CSMD1: variants seen among roughly 807,000 people sequenced by gnomAD.
The protein encoded by CSMD1 is CUB and Sushi multiple domains 1, also known as CUB and sushi domain-containing protein 1.
Under a neutral mutation model 417.5 loss-of-function variants are expected in CSMD1, and 213 were observed. That is an observed-to-expected ratio of 0.51 (90% CI 0.46 to 0.57). CSMD1 has a LOEUF of 0.57. CSMD1 is among the 20% of genes least tolerant of loss of function. The pLI, the probability that CSMD1 is intolerant of heterozygous loss-of-function variation, is 0.00. For synonymous variants in CSMD1, 2,862 were observed against 1,736.8 expected, an observed-to-expected ratio of 1.65 and a Z score of -16.11; for missense variants, 6,923 against 4,529.7, an observed-to-expected ratio of 1.53 and a Z score of -15.17.
intron 5 of CSMD1, among the ~76,000 whole-genome samples, chr8:3,879,705 G>C (rs1459639188): frequency 2.0e-5 from 3 of 150,492 alleles, no homozygotes; most frequent in Non-Finnish European, 3.0e-5. Context: ...AAAAATGAAA[G>C]GCTAACTCCT....
At chr8:3,637,322 G>C (rs1272467741) in intron 7 of CSMD1, among the ~76,000 whole-genome samples, 3 of 152,108 alleles carry the variant, frequency 2.0e-5, no homozygotes, top group Admixed American at 6.6e-5. Flanking sequence ...CTATGTCTAA[G>C]ATCCTTTATC....
intron 3 of CSMD1, among the ~76,000 whole-genome samples, chr8:4,402,810 T>C (rs1804735607): frequency 1.5e-5 from 1 of 66,948 alleles, no homozygotes; most frequent in Non-Finnish European, 3.4e-5. Context: ...CTTTTTTTTT[T>C]TTTTTTTTTT....
intron 5 of CSMD1, among the ~76,000 whole-genome samples, chr8:3,782,069 A>C (rs1799214400): frequency 2.0e-5 from 3 of 152,210 alleles, no homozygotes; most frequent in South Asian, 4.1e-4. Context: ...ACTTGGAAGG[A>C]GAGTTTGATA....
At chr8:4,713,694 G>T (rs538779676) in intron 1 of CSMD1, among the ~76,000 whole-genome samples, 2 of 152,142 alleles carry the variant, frequency 1.3e-5, no homozygotes, top group Admixed American at 6.6e-5. Context: ...CCAGCTGCTC[G>T]CCACTGCCTC....
intron 23 of CSMD1, among the ~76,000 whole-genome samples, chr8:3,314,733 T>G: frequency 6.6e-6 from 1 of 152,336 alleles, no homozygotes; most frequent in East Asian, 1.9e-4. Context: ...TTAATATTCT[T>G]AAGAATTAAA....
At chr8:3,541,610 G>A (rs951476813) in intron 10 of CSMD1, among the ~76,000 whole-genome samples, 5 of 149,216 alleles carry the variant, frequency 3.4e-5, no homozygotes, top group Admixed American at 1.3e-4. Context: ...CTAAAAATGG[G>A]TCATGATTTT....
intron 3 of CSMD1, among the ~76,000 whole-genome samples, chr8:4,418,062 G>A (rs994626069): frequency 6.6e-5 from 10 of 151,828 alleles, no homozygotes; most frequent in African/African-American, 2.4e-4. Context: ...CTGATAAATA[G>A]ATTTAAACAC....
rs188736830 is a variant in CSMD1, at chr8:4,524,072, C to T, written c.303-104007G>A. On this transcript the variant is annotated intron_variant, in intron 2 of 69. Coordinates refer to ENST00000635120, the MANE Select transcript of CSMD1 (RefSeq NM_033225.6). ...TCCTCCCTGTGTTTTTTAGAATGAA[C>T]GAACAACTAGACTCTGGAATAGTCC... Among the ~76,000 whole-genome samples the T allele has an allele frequency of 1.1e-4, 16 of 151,882 alleles. No homozygotes were observed. In the East Asian group the frequency reaches 2.1e-3, roughly 20 times the overall value.
At chr8:4,816,552 C>T (rs1162625727) in intron 1 of CSMD1, among the ~76,000 whole-genome samples, 1 of 152,094 alleles carries the variant, frequency 6.6e-6, no homozygotes, top group Non-Finnish European at 1.5e-5. Flanking sequence ...TTCTCATTTT[C>T]ATTCAACACA....
intron 15 of CSMD1, among the ~76,000 whole-genome samples, chr8:3,401,395 C>A (rs546211070): frequency 3.3e-5 from 5 of 152,160 alleles, no homozygotes; most frequent in African/African-American, 1.2e-4. Context: ...TATACTCTTA[C>A]CCATCACTTT....
chr8:3,742,293 A>G (rs1002002036), intron 6 of CSMD1, among the ~76,000 whole-genome samples: 5 of 152,184 alleles, frequency 3.3e-5, no homozygotes, highest in Admixed American at 3.3e-4. Flanking sequence ...ACGTTCATAC[A>G]AATGTTTATG....
At chr8:4,981,217 T>G (rs1810872150) in intron 1 of CSMD1, among the ~76,000 whole-genome samples, 2 of 152,218 alleles carry the variant, frequency 1.3e-5, no homozygotes, top group African/African-American at 2.4e-5. Context: ...GGCAGTACAG[T>G]GTGTCATACA....
At chr8:3,237,372 C>T (rs935213305) in intron 26 of CSMD1, among the ~76,000 whole-genome samples, 1 of 151,460 alleles carries the variant, frequency 6.6e-6, no homozygotes, top group Non-Finnish European at 1.5e-5. Context: ...GAGGCTGAGG[C>T]AGGAGACTCA....
intron 8 of CSMD1, among the ~76,000 whole-genome samples, chr8:3,606,019 C>T (rs377048611): frequency 9.2e-5 from 14 of 152,192 alleles, no homozygotes; most frequent in African/African-American, 3.1e-4. Context: ...AAGGCGTCTC[C>T]CCTTTCCTAC....
chr8:4,251,787 G>A (rs746698265), intron 3 of CSMD1, among the ~76,000 whole-genome samples: 2 of 151,738 alleles, frequency 1.3e-5, no homozygotes, highest in African/African-American at 2.4e-5. Flanking sequence ...ATGGAGAGAT[G>A]GAGGAGGAAA....
At chr8:3,258,540 C>T (rs1477512625) in intron 26 of CSMD1, among the ~76,000 whole-genome samples, 4 of 152,154 alleles carry the variant, frequency 2.6e-5, no homozygotes, top group Non-Finnish European at 4.4e-5. Context: ...TGTGGTGATT[C>T]CTCAAAGACC....
At chr8:3,768,972 G>T (rs976777828) in intron 5 of CSMD1, among the ~76,000 whole-genome samples, 2 of 152,228 alleles carry the variant, frequency 1.3e-5, no homozygotes, top group Admixed American at 1.3e-4. Context: ...AACAGGAAAG[G>T]CCTGGCGGAT....
At chr8:4,691,773 C>G (rs963368048) in intron 1 of CSMD1, among the ~76,000 whole-genome samples, 4 of 152,212 alleles carry the variant, frequency 2.6e-5, no homozygotes, top group African/African-American at 2.4e-5. Context: ...CAGTGGAATG[C>G]TAAATTTTAA....
At chr8:4,052,324 T>A (rs1263405524) in intron 3 of CSMD1, among the ~76,000 whole-genome samples, 1 of 152,222 alleles carries the variant, frequency 6.6e-6, no homozygotes, top group Non-Finnish European at 1.5e-5. Context: ...TGCGTAATTA[T>A]CATATGCACA....
Sources: allele counts gnomAD v4.1 joint callset (sites outside exome capture counted in the v4.1 genomes callset), GRCh38; gene constraint gnomAD v4.1.1; transcripts MANE v1.5; gene names NCBI Gene and HGNC (gene_info 2026-07-23, HGNC 2026-07-21).